Variants in NTN4 observed in about 807,000 individuals in gnomAD.
The protein encoded by NTN4 is netrin-4.
NTN4 carries 32 observed loss-of-function variants against 73.6 expected under a neutral mutation model. The ratio of observed to expected loss-of-function variants is 0.44; its 90% CI spans 0.33 to 0.58. NTN4 has a LOEUF of 0.58. Among genes scored for constraint, NTN4 ranks in the 20% least tolerant of loss-of-function variants. The probability of loss-of-function intolerance (pLI) is 0.04; values close to 1 mark genes in which losing one functional copy is unlikely to be tolerated. For missense variants in NTN4, 654 were observed against 798.3 expected (o/e 0.82, Z 2.18); for synonymous variants, 258 against 287.5 (o/e 0.90, Z 1.04).
intron 3 of NTN4, among the ~76,000 whole-genome samples, chr12:95,734,069 C>CAAAAA (rs34550049): frequency 1.1e-5 from 1 of 94,232 alleles, no homozygotes; most frequent in South Asian, 3.9e-4. Context: ...GACTCCATTT[C>CAAAAA]AAAAAAAAAA....
At position 95,708,245 on chromosome 12, in the gene NTN4, C is replaced by A. The variant is rs556302217; in HGVS notation, c.1180+2196G>T. On this transcript the variant is annotated intron_variant, in intron 5 of 9. Coordinates refer to ENST00000343702, the MANE Select transcript of NTN4 (RefSeq NM_021229.4). The stretch of plus-strand genomic sequence containing the variant: ...ATAATACTAGTTTTCATTTTTATTT[C>A]TTTATTGTTATTTTATTTATTTATT... 2.4e-3 allele frequency among the ~76,000 whole-genome samples: 366 copies of A among 149,626 alleles called. 1 individual carries two copies. Among genetic ancestry groups the A allele is most frequent in the African/African-American group, 8.7e-3 (353 of 40,722 alleles).
chr12:95,790,875 G>A (rs1490994290), upstream of NTN4: 1 of 141,156 alleles, frequency 7.1e-6, no homozygotes, highest in Non-Finnish European at 1.5e-5. The surrounding 1 kb of genome is among the most constrained non-coding windows in gnomAD (Gnocchi z 6.5). Context: ...CCCCGCGCTT[G>A]ACAGCCCGGG....
chr12:95,760,736 G>C (rs1044365175), intron 2 of NTN4, among the ~76,000 whole-genome samples: 1 of 151,040 alleles, frequency 6.6e-6, no homozygotes, highest in Non-Finnish European at 1.5e-5. Context: ...GGAAAGAAGA[G>C]GGGGGCAGTC....
intron 7 of NTN4, chr12:95,672,834 A>G (rs556816351): frequency 4.4e-6 from 6 of 1,367,128 alleles, no homozygotes; most frequent in Admixed American, 1.7e-5. Flanking sequence ...AGATCAAGGA[A>G]GGGAAATGGG....
chr12:95,716,360 T>A (rs944483073), intron 3 of NTN4, among the ~76,000 whole-genome samples: 1 of 152,144 alleles, frequency 6.6e-6, no homozygotes, highest in Admixed American at 6.6e-5. Context: ...CCTAAAGGAA[T>A]AGTCAGGGAC....
intron 2 of NTN4, among the ~76,000 whole-genome samples, chr12:95,743,476 TTGAGA>T (rs1449397205): frequency 6.6e-5 from 10 of 152,210 alleles, no homozygotes; most frequent in Admixed American, 4.6e-4. Flanking sequence ...GATCATTGAT[TTGAGA>T]TGTTTCTTTT....
chr12:95,682,335 C>T (rs1225737800), intron 7 of NTN4, among the ~76,000 whole-genome samples: 1 of 151,772 alleles, frequency 6.6e-6, no homozygotes, highest in East Asian at 1.9e-4. Context: ...ATTATACTCA[C>T]CCCACTCAGT....
intron 2 of NTN4, 131 bp from the exon 3 acceptor site, chr12:95,738,275 G>C (rs755463446): frequency 8.2e-6 from 7 of 850,718 alleles, no homozygotes; most frequent in Non-Finnish European, 1.3e-5. Flanking sequence ...GAAGTTTTTA[G>C]ACCTTGAGCA....
intron 2 of NTN4, among the ~76,000 whole-genome samples, chr12:95,779,681 T>C (rs1455736767): frequency 1.3e-5 from 2 of 151,958 alleles, no homozygotes; most frequent in African/African-American, 4.8e-5. Flanking sequence ...GGAAGAACAT[T>C]CCATGCTCAT....
intron 5 of NTN4, among the ~76,000 whole-genome samples, chr12:95,684,845 T>G (rs569207263): frequency 6.6e-6 from 1 of 152,100 alleles, no homozygotes; most frequent in Non-Finnish European, 1.5e-5. Flanking sequence ...CTAACTTCAG[T>G]TGGATCTCCA....
chr12:95,726,093 G>A (rs2078691825), intron 3 of NTN4, among the ~76,000 whole-genome samples: 1 of 151,014 alleles, frequency 6.6e-6, no homozygotes, highest in Admixed American at 6.6e-5. Context: ...TTAAGCTATT[G>A]ATTTTTTTCT....
intron 2 of NTN4, among the ~76,000 whole-genome samples, chr12:95,773,160 C>G (rs532097908): frequency 5.9e-5 from 9 of 152,080 alleles, no homozygotes; most frequent in Non-Finnish European, 1.2e-4. Flanking sequence ...CCTGCCACCA[C>G]GCCCAGCTAA....
chr12:95,671,415 T>C (rs2120946069), intron 7 of NTN4, among the ~76,000 whole-genome samples: 1 of 152,262 alleles, frequency 6.6e-6, no homozygotes, highest in African/African-American at 2.4e-5. Flanking sequence ...GAGAGAGAGC[T>C]GATTTTCATC....
chr12:95,752,042 C>T (rs948075321), intron 2 of NTN4, among the ~76,000 whole-genome samples: 1 of 151,770 alleles, frequency 6.6e-6, no homozygotes, highest in Non-Finnish European at 1.5e-5. Context: ...TTGCGTCCTC[C>T]TCTTGTATCC....
At chr12:95,714,366 T>G (rs974450089) in intron 3 of NTN4, among the ~76,000 whole-genome samples, 2 of 152,128 alleles carry the variant, frequency 1.3e-5, no homozygotes, top group Admixed American at 6.6e-5. Flanking sequence ...ATGGGGTCCA[T>G]AAGTGTGGAT....
intron 7 of NTN4, among the ~76,000 whole-genome samples, chr12:95,679,954 T>C (rs936210339): frequency 6.6e-6 from 1 of 152,160 alleles, no homozygotes; most frequent in African/African-American, 2.4e-5. Context: ...GCCTAAACTC[T>C]CTTTTCTCTG....
intron 7 of NTN4, chr12:95,672,568 T>A (rs2078241290): frequency 6.6e-7 from 1 of 1,521,544 alleles, no homozygotes; most frequent in Non-Finnish European, 9.1e-7. Context: ...GGCGCCTCAA[T>A]GAGCGGCACT....
chr12:95,658,042 CACAT>C lies in NTN4; in HGVS notation c.*1040_*1043del, dbSNP rs963764598. The stretch of plus-strand genomic sequence containing the variant: ...TGAAAAACTGTGATTTTTTGACTAT[CACAT>C]ACATTGTGTTAAAAAACAGGTAAAT... On this transcript the variant is annotated 3_prime_UTR_variant, in exon 10 of 10. Transcript: ENST00000343702. 1 of 152,444 alleles carries C rather than the reference CACAT, an allele frequency of 6.6e-6. No individual in the cohort carries two copies. Among genetic ancestry groups the C allele is most frequent in the Non-Finnish European group, 1.5e-5 (1 of 68,022 alleles). 9.4% of individuals were successfully genotyped at this position (152,444 alleles called of 1,614,324 possible). A position where few individuals can be genotyped will look rare whatever the true frequency, so the allele number is the denominator to read the frequency against.
chr12:95,727,301 A>G (rs1435096966), intron 3 of NTN4, among the ~76,000 whole-genome samples: 2 of 152,158 alleles, frequency 1.3e-5, no homozygotes, highest in East Asian at 1.9e-4. Flanking sequence ...GTTGAGTTGT[A>G]AGAGTTCTTT....
Sources: gnomAD v4.1 joint callset for allele counts (sites outside exome capture counted in the v4.1 genomes callset) on GRCh38, gnomAD v4.1.1 for gene constraint, Gnocchi (gnomAD v3.1) non-coding constraint, MANE v1.5 for transcripts, NCBI Gene and HGNC (gene_info 2026-07-23, HGNC 2026-07-21) for gene names.